STXBP5L: variants seen among roughly 807,000 people sequenced by gnomAD.
STXBP5L encodes syntaxin binding protein 5L.
Under a neutral mutation model 144.5 loss-of-function variants are expected in STXBP5L, and 65 were observed. The ratio of observed to expected loss-of-function variants is 0.45; its 90% CI spans 0.37 to 0.55. The LOEUF is 0.55. Among genes scored for constraint, STXBP5L ranks in the 20% least tolerant of loss-of-function variants. The pLI is 0.00. For missense variants in STXBP5L, 1,298 were observed against 1,405.5 expected (o/e 0.92, Z 1.22); for synonymous variants, 505 against 469.6 (o/e 1.08, Z -0.97).
chr3:121,335,710 A>T (rs1300323387), intron 20 of STXBP5L, among the ~76,000 whole-genome samples: 2 of 152,126 alleles, frequency 1.3e-5, no homozygotes, highest in Admixed American at 6.6e-5. Context: ...ATAACTGGCT[A>T]GCTAAATGCA....
Position 121,301,954 on chromosome 3 carries a change from T to C in STXBP5L, c.2111-16521T>C, listed in dbSNP as rs139586345. Reference sequence around the variant, plus strand: ...ACTGCTGGATTCGGTTTGCCAGTATTTTACTGAGGATTTTTACATTGATCT... The same window carrying C: ...ACTGCTGGATTCGGTTTGCCAGTATCTTACTGAGGATTTTTACATTGATCT... On this transcript the variant is annotated intron_variant, in intron 19 of 26. Transcript: ENST00000471454. Among the ~76,000 whole-genome samples the C allele has an allele frequency of 4.6e-5, 7 of 152,308 alleles. No homozygotes were observed. In the East Asian group the frequency reaches 1.3e-3, roughly 29 times the overall value.
chr3:121,148,825 C>A (rs780441717), intron 7 of STXBP5L, among the ~76,000 whole-genome samples: 9 of 151,980 alleles, frequency 5.9e-5, no homozygotes, highest in Non-Finnish European at 7.4e-5. Context: ...TTGTTCATGG[C>A]AGTATTATTA....
At chr3:121,072,417 C>T (rs2041846211) in intron 5 of STXBP5L, among the ~76,000 whole-genome samples, 1 of 152,232 alleles carries the variant, frequency 6.6e-6, no homozygotes, top group South Asian at 2.1e-4. Context: ...CAGTTGGGAG[C>T]AGCACATAGA....
At chr3:121,179,166 T>C (rs192443671) in intron 9 of STXBP5L, among the ~76,000 whole-genome samples, 1 of 151,820 alleles carries the variant, frequency 6.6e-6, no homozygotes, top group African/African-American at 2.4e-5. Context: ...AATAAATAAA[T>C]TGTACACCAT....
At chr3:121,097,822 A>T (rs1388639078) in intron 5 of STXBP5L, among the ~76,000 whole-genome samples, 2 of 152,192 alleles carry the variant, frequency 1.3e-5, no homozygotes, top group Non-Finnish European at 2.9e-5. Flanking sequence ...TATCAAATGG[A>T]ACTAATTGAA....
chr3:120,966,189 G>T lies in STXBP5L; in HGVS notation c.287+11152G>T, dbSNP rs531501175. Among the ~76,000 whole-genome samples the T allele has an allele frequency of 3.3e-5, 5 of 152,182 alleles. No homozygotes were observed. The East Asian group carries it at 9.6e-4, about 29-fold the overall frequency. ...TAGTTAGCCATTCATCTTATCTTTT[G>T]TCAAGGTTTTTAGCTTCCTTGCAAT... On this transcript the variant is annotated intron_variant, in intron 3 of 26. Transcript: ENST00000471454.
chr3:121,096,650 C>T (rs1368469938), intron 5 of STXBP5L, among the ~76,000 whole-genome samples: 1 of 151,970 alleles, frequency 6.6e-6, no homozygotes, highest in East Asian at 1.9e-4. Context: ...CGCTATTTGC[C>T]TGGGTATAAC....
intron 22 of STXBP5L, among the ~76,000 whole-genome samples, chr3:121,396,144 C>G (rs2046724888): frequency 6.6e-6 from 1 of 152,250 alleles, no homozygotes; most frequent in Admixed American, 6.5e-5. Flanking sequence ...TGTTCAGCTG[C>G]TGATAACATC....
intron 18 of STXBP5L, among the ~76,000 whole-genome samples, chr3:121,260,970 G>T (rs1051812528): frequency 2.6e-5 from 4 of 152,106 alleles, no homozygotes; most frequent in African/African-American, 9.7e-5. Context: ...CTGTGGGATA[G>T]CCTACTGTTT....
At chr3:121,379,304 C>A (rs1226405213) in intron 21 of STXBP5L, among the ~76,000 whole-genome samples, 1 of 151,970 alleles carries the variant, frequency 6.6e-6, no homozygotes, top group African/African-American at 2.4e-5. Context: ...ATATTAAATT[C>A]TAAAGTTTGC....
Position 121,254,855 on chromosome 3 carries a change from A to T in STXBP5L, c.1442-40A>T, listed in dbSNP as rs1468457601. The T allele has an allele frequency of 6.8e-6, 10 of 1,479,170 alleles. No individual in the cohort carries two copies. The African/African-American group carries it at 8.5e-5, about 13-fold the overall frequency. 91.6% of individuals were successfully genotyped at this position (1,479,170 alleles called of 1,614,324 possible). On this transcript the variant is annotated intron_variant, in intron 15 of 26. Coordinates refer to ENST00000471454, the MANE Select transcript of STXBP5L (RefSeq NM_001308330.2). ...AAGCTTTAATAACATCTAAGAATTA[A>T]GTTTAAATTAGAAGATAACTGTGCT...
intron 9 of STXBP5L, among the ~76,000 whole-genome samples, chr3:121,165,585 C>A (rs1021382189): frequency 1.3e-5 from 2 of 152,062 alleles, no homozygotes; most frequent in Non-Finnish European, 2.9e-5. Flanking sequence ...ATAACACGAC[C>A]ATGAAATGTT....
intron 19 of STXBP5L, among the ~76,000 whole-genome samples, chr3:121,311,260 GC>G (rs563770824): frequency 1.6e-4 from 25 of 152,298 alleles, no homozygotes; most frequent in South Asian, 4.1e-4. Flanking sequence ...CCCGTAAGTT[GC>G]TACGGAGAAT....
intron 5 of STXBP5L, among the ~76,000 whole-genome samples, chr3:121,098,928 C>T (rs891642053): frequency 7.2e-5 from 11 of 152,186 alleles, no homozygotes; most frequent in Admixed American, 5.9e-4. Context: ...ATCATGGTCC[C>T]CAGCATCCTC....
intron 5 of STXBP5L, among the ~76,000 whole-genome samples, chr3:121,089,784 T>C (rs1271301462): frequency 6.6e-6 from 1 of 152,062 alleles, no homozygotes; most frequent in Non-Finnish European, 1.5e-5. Context: ...TTATTTGTTT[T>C]TTCAGATTGG....
chr3:121,011,851 A>G (rs951101119), intron 3 of STXBP5L, among the ~76,000 whole-genome samples: 6 of 151,832 alleles, frequency 4.0e-5, no homozygotes, highest in Non-Finnish European at 7.4e-5. Flanking sequence ...TAAAGTAAAC[A>G]ATTCAGTGAT....
intron 20 of STXBP5L, among the ~76,000 whole-genome samples, chr3:121,371,657 G>A (rs1262309662): frequency 6.6e-6 from 1 of 152,228 alleles, no homozygotes; most frequent in Non-Finnish European, 1.5e-5. Context: ...GCCCCTGTAG[G>A]CAACTGTGCA....
intron 3 of STXBP5L, among the ~76,000 whole-genome samples, chr3:121,033,752 T>C (rs1159147682): frequency 2.0e-5 from 3 of 151,910 alleles, no homozygotes; most frequent in African/African-American, 7.2e-5. Context: ...AATTGAAAGA[T>C]AAATTATAGT....
At chr3:121,210,070 T>C (rs925559310) in intron 10 of STXBP5L, among the ~76,000 whole-genome samples, 7 of 152,168 alleles carry the variant, frequency 4.6e-5, no homozygotes, top group Non-Finnish European at 7.3e-5. Context: ...AGTGTTCCTA[T>C]TTCTCCACAT....
Sources: gnomAD v4.1 joint callset for allele counts (sites outside exome capture counted in the v4.1 genomes callset) on GRCh38, gnomAD v4.1.1 for gene constraint, MANE v1.5 for transcripts, NCBI Gene and HGNC (gene_info 2026-07-23, HGNC 2026-07-21) for gene names.